The following ARHGAP15 variants were observed in gnomAD, a reference collection of about 807,000 sequenced individuals.
ARHGAP15 encodes the protein rho GTPase-activating protein 15.
In ARHGAP15, 51 loss-of-function variants were observed where a neutral mutation model predicts 63.7. The ratio of observed to expected loss-of-function variants is 0.80; its 90% CI spans 0.64 to 1.01. The LOEUF is 1.01. ARHGAP15 is among the 50% of genes least tolerant of loss of function. ARHGAP15 has a pLI of 0.00. For synonymous variants in ARHGAP15, 191 were observed against 193.8 expected, an observed-to-expected ratio of 0.99 and a Z score of 0.12; for missense variants, 560 against 564.6, an observed-to-expected ratio of 0.99 and a Z score of 0.08.
intron 13 of ARHGAP15, among the ~76,000 whole-genome samples, chr2:143,712,368 T>C (rs528581356): frequency 2.0e-5 from 3 of 152,222 alleles, no homozygotes; most frequent in Non-Finnish European, 2.9e-5. Context: ...TGTGACTTGC[T>C]CATTGTTATA....
chr2:143,412,188 G>C (rs1400936051), intron 6 of ARHGAP15, among the ~76,000 whole-genome samples: 1 of 152,174 alleles, frequency 6.6e-6, no homozygotes, highest in Admixed American at 6.5e-5. Context: ...ACGGAGGCAG[G>C]TGGAACAGTT....
chr2:143,746,785 G>A (rs749121879), intron 13 of ARHGAP15, among the ~76,000 whole-genome samples: 1 of 152,130 alleles, frequency 6.6e-6, no homozygotes, highest in Non-Finnish European at 1.5e-5. Flanking sequence ...TGCCAAGAAA[G>A]CAAATAAGCA....
At chr2:143,729,142 G>C (rs1288955957) in intron 13 of ARHGAP15, among the ~76,000 whole-genome samples, 1 of 152,182 alleles carries the variant, frequency 6.6e-6, no homozygotes. Flanking sequence ...CCTGAGAAAA[G>C]AGCCATTTGT....
At chr2:143,201,747 G>A (rs1182696983) in intron 2 of ARHGAP15, among the ~76,000 whole-genome samples, 1 of 152,112 alleles carries the variant, frequency 6.6e-6, no homozygotes, top group Non-Finnish European at 1.5e-5. Context: ...CAAGAGTGAA[G>A]GTTCTCAGAG....
chr2:143,403,850 C>G (rs975589299), intron 6 of ARHGAP15, among the ~76,000 whole-genome samples: 6 of 151,572 alleles, frequency 4.0e-5, no homozygotes, highest in African/African-American at 1.5e-4. Flanking sequence ...CTAACATAAA[C>G]AGCACTTAAA....
intron 12 of ARHGAP15, among the ~76,000 whole-genome samples, chr2:143,633,916 C>A (rs1680173032): frequency 6.6e-6 from 1 of 152,002 alleles, no homozygotes; most frequent in Non-Finnish European, 1.5e-5. Context: ...GCCCACTTAC[C>A]CCCAACTCTG....
At chr2:143,474,894 G>C (rs956593595) in intron 8 of ARHGAP15, among the ~76,000 whole-genome samples, 3 of 152,148 alleles carry the variant, frequency 2.0e-5, no homozygotes, top group African/African-American at 7.2e-5. Flanking sequence ...AAAATATTTG[G>C]GATAACACTG....
At position 143,619,974 on chromosome 2, in the gene ARHGAP15, T is replaced by C. The variant is rs536450588; in HGVS notation, c.1004-4159T>C. The stretch of plus-strand genomic sequence containing the variant: ...AGCAATGTAGTTTTTGTTGATCCCG[T>C]TCAAGAAACTGCATCGTACTGAGAT... On this transcript the variant is annotated intron_variant, in intron 11 of 13. Transcript: ENST00000295095. Among the ~76,000 whole-genome samples, 26 of 152,302 alleles carry C rather than the reference T, an allele frequency of 1.7e-4. No homozygotes were observed. The East Asian group carries it at 2.1e-3, about 12-fold the overall frequency.
At chr2:143,145,157 A>G (rs1395057933) in intron 1 of ARHGAP15, among the ~76,000 whole-genome samples, 1 of 151,988 alleles carries the variant, frequency 6.6e-6, no homozygotes, top group African/African-American at 2.4e-5. Context: ...GTTATTTCTG[A>G]CCCTTACTCT....
intron 8 of ARHGAP15, among the ~76,000 whole-genome samples, chr2:143,437,907 C>G (rs1176112581): frequency 1.3e-5 from 2 of 152,028 alleles, no homozygotes; most frequent in Admixed American, 6.6e-5. Flanking sequence ...GCCTGTAATC[C>G]CAGCTACTCA....
intron 12 of ARHGAP15, among the ~76,000 whole-genome samples, chr2:143,658,292 G>A (rs1438967247): frequency 6.6e-6 from 1 of 152,178 alleles, no homozygotes; most frequent in Admixed American, 6.5e-5. Flanking sequence ...AGAGTTCATA[G>A]AAGACATGTA....
chr2:143,208,793 G>T (rs1692452543), intron 3 of ARHGAP15, among the ~76,000 whole-genome samples: 2 of 152,036 alleles, frequency 1.3e-5, no homozygotes, highest in Admixed American at 1.3e-4. Context: ...TCAAGAAAAA[G>T]AACCCTGTTT....
chr2:143,510,868 C>T (rs1439858781), intron 9 of ARHGAP15, among the ~76,000 whole-genome samples: 1 of 152,200 alleles, frequency 6.6e-6, no homozygotes, highest in Non-Finnish European at 1.5e-5. Flanking sequence ...CAATGGCCCT[C>T]TCTCCTGAAA....
chr2:143,525,743 G>A (rs138976437), intron 10 of ARHGAP15, among the ~76,000 whole-genome samples: 57 of 152,170 alleles, frequency 3.7e-4, no homozygotes, highest in Non-Finnish European at 7.2e-4. Flanking sequence ...CTCTGTGTCT[G>A]TAAGAAAGCC....
At chr2:143,673,710 A>C (rs1682648885) in intron 12 of ARHGAP15, among the ~76,000 whole-genome samples, 2 of 122,996 alleles carry the variant, frequency 1.6e-5, no homozygotes, top group East Asian at 2.5e-4. Context: ...AATATCTGAT[A>C]AAGGCCTTAT....
At chr2:143,472,190 A>G (rs925775872) in intron 8 of ARHGAP15, among the ~76,000 whole-genome samples, 10 of 152,176 alleles carry the variant, frequency 6.6e-5, no homozygotes, top group African/African-American at 2.2e-4. Context: ...TTCCACATTT[A>G]TCAAATCAGA....
At chr2:143,673,752 G>GTATATATATATATATATATA (rs1158257230) in intron 12 of ARHGAP15, among the ~76,000 whole-genome samples, 2 of 32,934 alleles carry the variant, frequency 6.1e-5, no homozygotes, top group East Asian at 2.1e-3. Context: ...GTGTGTGTGT[G>GTATATATATATATATATATA]TGTGTGTATA....
At chr2:143,530,324 A>G (rs1188847231) in intron 10 of ARHGAP15, among the ~76,000 whole-genome samples, 1 of 152,116 alleles carries the variant, frequency 6.6e-6, no homozygotes, top group Non-Finnish European at 1.5e-5. Flanking sequence ...ATAATCTTGA[A>G]TAGGATAGGA....
intron 11 of ARHGAP15, among the ~76,000 whole-genome samples, chr2:143,612,378 T>A (rs1452551075): frequency 1.3e-5 from 2 of 152,182 alleles, no homozygotes; most frequent in African/African-American, 4.8e-5. Flanking sequence ...TCCAAAAGCC[T>A]CTGTTTCAGT....
Sources: gnomAD v4.1 joint callset for allele counts (sites outside exome capture counted in the v4.1 genomes callset) on GRCh38, gnomAD v4.1.1 for gene constraint, MANE v1.5 for transcripts, NCBI Gene and HGNC (gene_info 2026-07-23, HGNC 2026-07-21) for gene names.